The following THRB variants were observed in gnomAD, a reference collection of about 807,000 sequenced individuals.
THRB encodes the protein thyroid hormone receptor beta, also known as nuclear receptor subfamily 1 group A member 2.
THRB carries 12 observed loss-of-function variants against 47.8 expected under a neutral mutation model. That is an observed-to-expected ratio of 0.25 (90% CI 0.16 to 0.41). The LOEUF (loss-of-function observed/expected upper bound fraction) is 0.41. Ranked by LOEUF, THRB falls within the 10% of genes least tolerant of loss-of-function variation. The probability of loss-of-function intolerance (pLI) is 1.00; values close to 1 mark genes in which losing one functional copy is unlikely to be tolerated. For synonymous variants in THRB, 218 were observed against 212.2 expected, an observed-to-expected ratio of 1.03 and a Z score of -0.24; for missense variants, 348 against 589.2, an observed-to-expected ratio of 0.59 and a Z score of 4.24.
At chr3:24,253,157 C>T (rs541665841) in intron 3 of THRB, among the ~76,000 whole-genome samples, 2 of 151,864 alleles carry the variant, frequency 1.3e-5, no homozygotes, top group African/African-American at 4.8e-5. Context: ...AGATGAAATG[C>T]AATAACATAA....
chr3:24,149,669 T>A (rs1002265326), intron 6 of THRB, among the ~76,000 whole-genome samples: 1 of 151,570 alleles, frequency 6.6e-6, no homozygotes, highest in African/African-American at 2.4e-5. Context: ...TTCTTTTTTT[T>A]GTTTTTTCTT....
At chr3:24,241,995 T>G (rs1247324862) in intron 3 of THRB, among the ~76,000 whole-genome samples, 1 of 152,018 alleles carries the variant, frequency 6.6e-6, no homozygotes, top group Non-Finnish European at 1.5e-5. Flanking sequence ...CACTGATCAG[T>G]GCATAGTAGG....
At chr3:24,238,278 T>TGGGGGGGGGG (rs67450132) in intron 3 of THRB, among the ~76,000 whole-genome samples, 6 of 30,010 alleles carry the variant, frequency 2.0e-4, no homozygotes, top group African/African-American at 2.6e-4. Flanking sequence ...TGTGTGTGTG[T>TGGGGGGGGGG]GGGGGGGGGG....
intron 2 of THRB, among the ~76,000 whole-genome samples, chr3:24,336,722 CTTT>C (rs1553717322): frequency 1.5e-5 from 2 of 135,932 alleles, no homozygotes. Flanking sequence ...AATTCTCATG[CTTT>C]TTTTTTTTTT....
chr3:24,137,520 G>A (rs2034834053), intron 8 of THRB, among the ~76,000 whole-genome samples: 1 of 152,198 alleles, frequency 6.6e-6, no homozygotes, highest in Non-Finnish European at 1.5e-5. Context: ...CTTGAGGAAT[G>A]TCAAGGAAGT....
intron 1 of THRB, among the ~76,000 whole-genome samples, chr3:24,408,436 C>T (rs913395213): frequency 9.2e-5 from 14 of 151,758 alleles, no homozygotes; most frequent in South Asian, 4.2e-4. Context: ...CACCAAATTT[C>T]GACATATGTT....
chr3:24,156,262 T>C (rs2037823669), intron 5 of THRB, among the ~76,000 whole-genome samples: 1 of 152,226 alleles, frequency 6.6e-6, no homozygotes. Context: ...ACAGATTCAA[T>C]GCTTTCTTCC....
chr3:24,217,046 G>A (rs1402515324), intron 4 of THRB, among the ~76,000 whole-genome samples: 2 of 150,006 alleles, frequency 1.3e-5, no homozygotes, highest in Non-Finnish European at 3.0e-5. Context: ...TCAACCCTAA[G>A]TAGGAATTAC....
At chr3:24,199,168 T>C (rs899519252) in intron 4 of THRB, among the ~76,000 whole-genome samples, 1 of 152,190 alleles carries the variant, frequency 6.6e-6, no homozygotes, top group Non-Finnish European at 1.5e-5. Flanking sequence ...ATATCCCTAA[T>C]CAGGGTGCAC....
intron 3 of THRB, among the ~76,000 whole-genome samples, chr3:24,249,182 G>A (rs1245357892): frequency 2.6e-5 from 4 of 152,160 alleles, no homozygotes; most frequent in Admixed American, 1.3e-4. Flanking sequence ...GGATAGTAGA[G>A]TAGAAGTCTT....
chr3:24,360,745 C>T (rs921091925), intron 1 of THRB, among the ~76,000 whole-genome samples: 18 of 151,998 alleles, frequency 1.2e-4, no homozygotes, highest in African/African-American at 3.1e-4. Context: ...ATTCTATATC[C>T]GGTATAGTTG....
chr3:24,229,098 A>G, intron 3 of THRB, 97 bp from the exon 4 acceptor site: 2 of 779,760 alleles, frequency 2.6e-6, no homozygotes, highest in Non-Finnish European at 4.5e-6. Flanking sequence ...ATTACCTTGA[A>G]GCAATATTTG....
At chr3:24,415,717 T>G (rs1450761126) in intron 1 of THRB, among the ~76,000 whole-genome samples, 4 of 151,836 alleles carry the variant, frequency 2.6e-5, no homozygotes, top group African/African-American at 9.7e-5. Flanking sequence ...TATTTCAAAT[T>G]AAGGGATTCC....
At chr3:24,207,708 A>G (rs1016521256) in intron 4 of THRB, among the ~76,000 whole-genome samples, 1 of 152,200 alleles carries the variant, frequency 6.6e-6, no homozygotes, top group Non-Finnish European at 1.5e-5. Flanking sequence ...GCACTCTGCC[A>G]GCTATCTATG....
intron 4 of THRB, among the ~76,000 whole-genome samples, chr3:24,205,301 T>A (rs1469719005): frequency 6.6e-6 from 1 of 152,128 alleles, no homozygotes. Flanking sequence ...TAATAGCAGA[T>A]CTCTCGGCAG....
chr3:24,406,315 T>C (rs1457815557), intron 1 of THRB, among the ~76,000 whole-genome samples: 2 of 150,560 alleles, frequency 1.3e-5, no homozygotes, highest in African/African-American at 5.0e-5. Context: ...ATTAACCTTC[T>C]ATGTTTGTTA....
intron 1 of THRB, among the ~76,000 whole-genome samples, chr3:24,367,679 C>A (rs747125947): frequency 7.4e-4 from 112 of 152,254 alleles, no homozygotes; most frequent in Non-Finnish European, 1.5e-3. Context: ...ACTGTTGTAA[C>A]ATGCTTTGAA....
chr3:24,215,364 A>C (rs2046450432), intron 4 of THRB, among the ~76,000 whole-genome samples: 1 of 152,184 alleles, frequency 6.6e-6, no homozygotes, highest in African/African-American at 2.4e-5. Context: ...CCAAGTCACA[A>C]GGTTACTTAG....
chr3:24,482,948 A>T (rs191366828), intron 1 of THRB, among the ~76,000 whole-genome samples: 2 of 152,272 alleles, frequency 1.3e-5, no homozygotes, highest in East Asian at 3.9e-4. Context: ...AAATAGAAAG[A>T]CACATACTGT....
Sources: allele counts gnomAD v4.1 joint callset (sites outside exome capture counted in the v4.1 genomes callset), GRCh38; gene constraint gnomAD v4.1.1; transcripts MANE v1.5; gene names NCBI Gene and HGNC (gene_info 2026-07-23, HGNC 2026-07-21).